Variants in RBFOX2 observed in about 807,000 individuals in gnomAD.
RBFOX2 encodes the protein RNA binding fox-1 homolog 2.
In RBFOX2, 10 loss-of-function variants were observed where a neutral mutation model predicts 49.1. That is an observed-to-expected ratio of 0.20 (90% confidence interval 0.13 to 0.35). The LOEUF (loss-of-function observed/expected upper bound fraction) is 0.35, where lower values mean the gene tolerates loss of function less well. RBFOX2 is among the 10% of genes least tolerant of loss of function. RBFOX2 has a pLI of 1.00. For missense variants in RBFOX2, 323 were observed against 486.9 expected (o/e 0.66, Z 3.17); for synonymous variants, 183 against 187.4 (o/e 0.98, Z 0.19).
chr22:35,847,366 A>G (rs532966992), intron 1 of RBFOX2, among the ~76,000 whole-genome samples: 54 of 152,350 alleles, frequency 3.5e-4, no homozygotes, highest in African/African-American at 1.2e-3. Flanking sequence ...AATTAAAAAT[A>G]GATGTAAAAC....
At chr22:35,862,376 GA>G (rs200694167) in intron 1 of RBFOX2, among the ~76,000 whole-genome samples, 8,761 of 146,018 alleles carry the variant, frequency 0.06, 264 homozygotes, top group African/African-American at 0.08. Flanking sequence ...ATTTTCTTTG[GA>G]GGGGGGGGGG....
At chr22:35,867,867 A>G (rs899720146) in intron 1 of RBFOX2, among the ~76,000 whole-genome samples, 20 of 152,210 alleles carry the variant, frequency 1.3e-4, no homozygotes, top group African/African-American at 4.8e-4. Flanking sequence ...ACTTTTAGAT[A>G]TGATTAATTG....
intron 1 of RBFOX2, among the ~76,000 whole-genome samples, chr22:35,983,660 A>T (rs2057568581): frequency 6.6e-6 from 1 of 152,162 alleles, no homozygotes; most frequent in Non-Finnish European, 1.5e-5. Context: ...TAGATCATCA[A>T]ATCCTGGATG....
rs531918796 is a variant in RBFOX2, at chr22:35,804,330, A to G, written c.252+5450T>C. Among the ~76,000 whole-genome samples the G allele has an allele frequency of 2.0e-5, 3 of 151,960 alleles. 1 individual carries two copies. In the South Asian group the frequency reaches 6.3e-4, roughly 32 times the overall value. On this transcript the variant is annotated intron_variant, in intron 2 of 11. Transcript: ENST00000405409. ...GAGGCCCAGGAAGAGAGAAGAAAGG[A>G]AAAAAAAATTTGAAGAAATTATGGT... is the stretch of plus-strand genomic sequence containing the variant.
At position 35,809,948 on chromosome 22, in the gene RBFOX2, G is replaced by C. The variant is rs745474613; in HGVS notation, c.84C>G (p.Ile28Met). ...CATTCTGCGGAGGTGGTGGAAATGG[G>C]ATGGTAGTAAAAGGCTGAACCATTG... Residue 28 changes from isoleucine (I) to methionine (M), a missense_variant, in exon 2 of 12, where the codon ATC (isoleucine) becomes ATG (methionine). Around this residue, in one of 2 missense-constraint regions of RBFOX2, gnomAD observed 123 missense variants for 116.9 expected, o/e 1.05. Transcript: ENST00000405409. The C allele has an allele frequency of 3.5e-5, 57 of 1,613,988 alleles. No individual in the cohort carries two copies. Among genetic ancestry groups the C allele is most frequent in the Non-Finnish European group, 4.7e-5 (55 of 1,180,046 alleles).
intron 1 of RBFOX2, among the ~76,000 whole-genome samples, chr22:36,028,017 G>A (rs2059514751): frequency 6.6e-6 from 1 of 151,842 alleles, no homozygotes; most frequent in African/African-American, 2.4e-5. Context: ...GTGCCTCCTG[G>A]CCCCTCAGGA....
chr22:35,811,975 A>G (rs954143131), intron 1 of RBFOX2, among the ~76,000 whole-genome samples: 1 of 151,332 alleles, frequency 6.6e-6, no homozygotes, highest in Non-Finnish European at 1.5e-5. Flanking sequence ...AAAAAAAAAA[A>G]AAAGGCTGGG....
At chr22:35,912,160 G>A (rs1396755872) in intron 1 of RBFOX2, among the ~76,000 whole-genome samples, 4 of 152,084 alleles carry the variant, frequency 2.6e-5, no homozygotes, top group African/African-American at 9.7e-5. Context: ...TGATCTGGAT[G>A]GCAGAAACAG....
At chr22:35,938,242 AAGAT>A (rs2053319984) in intron 1 of RBFOX2, among the ~76,000 whole-genome samples, 1 of 152,196 alleles carries the variant, frequency 6.6e-6, no homozygotes, top group African/African-American at 2.4e-5. Flanking sequence ...AAACAACAAA[AAGAT>A]AGGGAAGGCA....
At chr22:35,859,300 G>C (rs1288129499) in intron 1 of RBFOX2, among the ~76,000 whole-genome samples, 1 of 152,164 alleles carries the variant, frequency 6.6e-6, no homozygotes, top group Non-Finnish European at 1.5e-5. Context: ...GTGGTGGGAA[G>C]CTTTGAGGCA....
chr22:35,977,701 T>C (rs1003110082), intron 1 of RBFOX2, among the ~76,000 whole-genome samples: 1 of 140,356 alleles, frequency 7.1e-6, no homozygotes, highest in Non-Finnish European at 1.5e-5. Flanking sequence ...TTTTACTGCA[T>C]GTAAATTATA....
At position 35,789,601 on chromosome 22, in the gene RBFOX2, G is replaced by A. The variant is rs574800895; in HGVS notation, c.253-7855C>T. The stretch of plus-strand genomic sequence containing the variant: ...TTCAGTTTCATCTTCAAGTCAGCCA[G>A]ATAAAGTTTTTCATTTTGTTGCCAT... On this transcript the variant is annotated intron_variant, in intron 2 of 11. Coordinates refer to ENST00000405409, the Ensembl canonical transcript of RBFOX2. 1.2e-4 allele frequency among the ~76,000 whole-genome samples: 18 copies of A among 152,232 alleles called. No homozygotes were observed. The South Asian group carries it at 2.5e-3, about 21-fold the overall frequency.
chr22:35,977,781 T>C (rs1221338354), intron 1 of RBFOX2, among the ~76,000 whole-genome samples: 12 of 137,188 alleles, frequency 8.7e-5, no homozygotes. Context: ...CACACACATA[T>C]ACATATGTGT....
chr22:35,873,119 A>C (rs1249667265), intron 1 of RBFOX2, among the ~76,000 whole-genome samples: 1 of 152,100 alleles, frequency 6.6e-6, no homozygotes, highest in African/African-American at 2.4e-5. Context: ...TAAACTGCAA[A>C]ATTTGTTACT....
intron 1 of RBFOX2, among the ~76,000 whole-genome samples, chr22:36,026,954 A>AT (rs1298364483): frequency 6.6e-6 from 1 of 152,166 alleles, no homozygotes; most frequent in Non-Finnish European, 1.5e-5. Context: ...CACTGCAGAG[A>AT]TTTCCAAGAG....
chr22:35,972,146 T>C (rs1224435085), intron 1 of RBFOX2, among the ~76,000 whole-genome samples: 1 of 151,880 alleles, frequency 6.6e-6, no homozygotes, highest in Non-Finnish European at 1.5e-5. Context: ...CCCCAAACAG[T>C]ATAGTCTTCA....
chr22:35,764,829 A>T (rs1009937177), intron 6 of RBFOX2, among the ~76,000 whole-genome samples: 22 of 152,284 alleles, frequency 1.4e-4, no homozygotes, highest in African/African-American at 4.8e-4. Context: ...TAAATTTGGT[A>T]ACTGATGTAA....
intron 1 of RBFOX2, among the ~76,000 whole-genome samples, chr22:36,007,931 T>A (rs2058679340): frequency 6.6e-6 from 1 of 152,206 alleles, no homozygotes; most frequent in African/African-American, 2.4e-5. Context: ...TTAGCAGATT[T>A]CCTGTCAACG....
chr22:35,911,448 C>T (rs1360407659), intron 1 of RBFOX2, among the ~76,000 whole-genome samples: 3 of 152,132 alleles, frequency 2.0e-5, no homozygotes, highest in Admixed American at 6.6e-5. Context: ...GTGTCTTAAT[C>T]GACCTCTGAT....
Sources: allele counts gnomAD v4.1 joint callset (sites outside exome capture counted in the v4.1 genomes callset), GRCh38; gene constraint gnomAD v4.1.1; regional missense constraint gnomAD v4.1.1; transcripts MANE v1.5; gene names NCBI Gene and HGNC (gene_info 2026-07-23, HGNC 2026-07-21).